Variants in NBPF14 observed in about 807,000 individuals in gnomAD.
The protein encoded by NBPF14 is NBPF family member NBPF14.
Under a neutral mutation model 91.2 loss-of-function variants are expected in NBPF14, and 104 were observed. The ratio of observed to expected loss-of-function variants is 1.14; its 90% confidence interval spans 0.97 to 1.34. The LOEUF (loss-of-function observed/expected upper bound fraction) is 1.34, where lower values mean the gene tolerates loss of function less well. Ranked by LOEUF, NBPF14 falls within the 40% of genes most tolerant of loss-of-function variation. The pLI is 0.00. For synonymous variants in NBPF14, 294 were observed against 303.8 expected (o/e 0.97, Z 0.34); for missense variants, 908 against 783.0 (o/e 1.16, Z -1.91).
chr1:148,561,808 C>G (rs1209989670), intron 34 of NBPF14, among the ~76,000 whole-genome samples: 3 of 136,254 alleles, frequency 2.2e-5, no homozygotes, highest in African/African-American at 7.1e-5. Flanking sequence ...CACAAACACA[C>G]ACACACACAC....
intron 37 of NBPF14, among the ~76,000 whole-genome samples, chr1:148,559,384 G>T (rs1245622756): frequency 7.5e-5 from 10 of 133,436 alleles, no homozygotes; most frequent in Non-Finnish European, 1.2e-4. Flanking sequence ...ATGGTTGCTA[G>T]GAGAAAAACT....
exon 71 of NBPF14, chr1:148,532,293 G>C (rs1173866551): frequency 6.5e-6 from 1 of 153,754 alleles, no homozygotes; most frequent in African/African-American, 2.4e-5. Flanking sequence ...TTCATATTCT[G>C]CACCGGCAGA....
intron 16 of NBPF14, among the ~76,000 whole-genome samples, chr1:148,576,019 G>C (rs1659640494): frequency 6.8e-6 from 1 of 147,854 alleles, no homozygotes; most frequent in Admixed American, 6.7e-5. Context: ...GGGAGAGAGA[G>C]AGAGAGAGGA....
chr1:148,535,924 CA>C (rs1229958479), intron 67 of NBPF14, among the ~76,000 whole-genome samples: 3 of 148,062 alleles, frequency 2.0e-5, no homozygotes, highest in Admixed American at 6.6e-5. Context: ...ACAAGATCTA[CA>C]AAATTGAGAC....
chr1:148,559,832 A>G (rs1302453223), exon 37 of NBPF14: 4 of 1,533,814 alleles, frequency 2.6e-6, no homozygotes, highest in Non-Finnish European at 3.5e-6. Context: ...TGCTGCTCCA[A>G]TATGTAAAAG....
intron 20 of NBPF14, 144 bp from the exon 21 acceptor site, chr1:148,572,759 T>A: frequency 1.8e-6 from 1 of 544,196 alleles, no homozygotes; most frequent in East Asian, 3.1e-5. Context: ...ATTGCCTTTA[T>A]GTTGGGATAG....
At chr1:148,561,744 A>G (rs1657763878) in intron 34 of NBPF14, among the ~76,000 whole-genome samples, 165 bp from the exon 35 acceptor site, 2 of 117,268 alleles carry the variant, frequency 1.7e-5, no homozygotes, top group Admixed American at 7.9e-5. Flanking sequence ...GAACAGGGCC[A>G]AATGGAAAAG....
intron 4 of NBPF14, among the ~76,000 whole-genome samples, 175 bp from the exon 5 acceptor site, chr1:148,591,679 G>A (rs1249996548): frequency 9.4e-5 from 14 of 148,242 alleles, no homozygotes; most frequent in Middle Eastern, 3.6e-3. Context: ...ATCGGGCAAT[G>A]CATTTCTGAT....
Position 148,533,809 on chromosome 1 carries a change from T to A in NBPF14, c.8723+52A>T, listed in dbSNP as rs1233334386. The A allele has an allele frequency of 2.0e-4, 155 of 767,106 alleles. 7 individuals carry two copies. In the Admixed American group the frequency reaches 2.5e-3, roughly 12 times the overall value. The allele number at this position is 767,106 out of a possible 1,614,324, so 47.5% of individuals were successfully genotyped here. ...ACACACTCTGGTTTCCCTGAATCTG[T>A]TGCCTCCAGGAGTTAACACAGAACT... On this transcript the variant is annotated intron_variant, in intron 70 of 70. Coordinates refer to ENST00000619423, the Ensembl canonical transcript of NBPF14.
In NBPF14 at chr1:148,590,040, CTTTTTTTTTTTTTT is replaced by C. The variant is rs1196401979; in HGVS notation, c.779-661_779-648del. Reference sequence around the variant, plus strand: ...GCCAGCGCCCCTGGTCAGAGACTTACTTTTTTTTTTTTTTTTTTTTTTTTTTGAGATGGAGTCTC... The same window carrying C: ...GCCAGCGCCCCTGGTCAGAGACTTACTTTTTTTTTTTTGAGATGGAGTCTC... On this transcript the variant is annotated intron_variant, in intron 6 of 70. Coordinates refer to ENST00000619423, the Ensembl canonical transcript of NBPF14. 2.8e-3 allele frequency among the ~76,000 whole-genome samples: 213 copies of C among 76,312 alleles called. 14 individuals carry two copies. The South Asian group carries it at 0.081, about 29-fold the overall frequency. The allele number at this position is 76,312 out of a possible 152,430, so 50.1% of individuals were successfully genotyped here. A position where few individuals can be genotyped will look rare whatever the true frequency, so the allele number is the denominator to read the frequency against.
intron 14 of NBPF14, 84 bp from the exon 15 acceptor site, chr1:148,577,439 G>C: frequency 1.5e-6 from 1 of 657,962 alleles, no homozygotes; most frequent in South Asian, 1.7e-5. Context: ...GCTAACGTAA[G>C]GAAGAGTTTG....
chr1:148,536,063 G>A (rs1375367005), intron 67 of NBPF14, among the ~76,000 whole-genome samples, 161 bp downstream of exon 67: 1 of 149,730 alleles, frequency 6.7e-6, no homozygotes, highest in Non-Finnish European at 1.5e-5. Flanking sequence ...CCTTGTCTGG[G>A]CTTCCAAGTG....
chr1:148,534,585 T>A (rs1276578836), intron 69 of NBPF14, 99 bp downstream of exon 69: 12 of 840,984 alleles, frequency 1.4e-5, no homozygotes, highest in Middle Eastern at 3.4e-4. Context: ...CCTGCGGCAA[T>A]GACATCTCTC....
exon 69 of NBPF14, chr1:148,534,837 C>G (rs1654731850): frequency 3.1e-5 from 33 of 1,067,650 alleles, no homozygotes; most frequent in Non-Finnish European, 1.4e-6. Context: ...TCTTTCTCAT[C>G]CAGCAGCTCC....
chr1:148,589,845 C>T (rs1257498187), intron 6 of NBPF14, among the ~76,000 whole-genome samples: 5 of 148,096 alleles, frequency 3.4e-5, no homozygotes, highest in African/African-American at 1.2e-4. Flanking sequence ...CGATTCTCAT[C>T]CCTCAGCCTG....
exon 63 of NBPF14, chr1:148,539,555 T>G: frequency 3.8e-6 from 1 of 263,492 alleles, no homozygotes; most frequent in Non-Finnish European, 6.5e-6. Flanking sequence ...CTTCAGGCTC[T>G]TTCTCATCCA....
chr1:148,533,900 C>T (rs1324037861), exon 70 of NBPF14: 1 of 753,924 alleles, frequency 1.3e-6, no homozygotes, highest in Non-Finnish European at 2.4e-6. Flanking sequence ...CCCTTCTTTT[C>T]TTCCCCTTCT....
chr1:148,557,788 C>A lies in NBPF14; in HGVS notation c.4955-246G>T, dbSNP rs1288133863. Among the ~76,000 whole-genome samples the A allele has an allele frequency of 1.3e-4, 15 of 116,154 alleles. No homozygotes were observed. The South Asian group carries it at 2.8e-3, about 22-fold the overall frequency. 76.2% of individuals were successfully genotyped at this position (116,154 alleles called of 152,430 possible). A position where few individuals can be genotyped will look rare whatever the true frequency, so the allele number is the denominator to read the frequency against. On this transcript the variant is annotated intron_variant, in intron 39 of 70. Coordinates refer to ENST00000619423, the Ensembl canonical transcript of NBPF14. ...CAAAATCATTTATCCCAAGTTTGTG[C>A]AAACAGTTATGCTTTATTGTTCCCA... is the stretch of plus-strand genomic sequence containing the variant.
chr1:148,581,421 AG>A (rs1206103361), intron 12 of NBPF14, among the ~76,000 whole-genome samples: 1 of 148,024 alleles, frequency 6.8e-6, no homozygotes, highest in Non-Finnish European at 1.5e-5. Context: ...TAGATCCCTG[AG>A]GAATTGCCAC....
Sources: allele counts gnomAD v4.1 joint callset (sites outside exome capture counted in the v4.1 genomes callset), GRCh38; gene constraint gnomAD v4.1.1; transcripts MANE v1.5; gene names NCBI Gene and HGNC (gene_info 2026-07-23, HGNC 2026-07-21).